Variants in CPM observed in about 807,000 individuals in gnomAD.
CPM encodes renal carboxypeptidase.
In CPM, 35 loss-of-function variants were observed where a neutral mutation model predicts 46.4. The ratio of observed to expected loss-of-function variants is 0.75; its 90% CI spans 0.58 to 1.00. CPM has a LOEUF of 1.00. Among genes scored for constraint, CPM ranks in the 50% least tolerant of loss-of-function variants. The pLI, the probability that CPM is intolerant of heterozygous loss-of-function variation, is 0.00. For missense variants in CPM, 422 were observed against 530.4 expected (o/e 0.80, Z 2.01); for synonymous variants, 195 against 195.3 (o/e 1.00, Z 0.01).
chr12:68,904,953 C>T (rs11836152), intron 2 of CPM, among the ~76,000 whole-genome samples: 18,118 of 152,120 alleles, frequency 0.12, 1,187 homozygotes, highest in East Asian at 0.17. Flanking sequence ...TTGTCGCTCA[C>T]GCTGGAGTGC....
chr12:68,904,565 T>C (rs578046138), intron 2 of CPM, among the ~76,000 whole-genome samples: 1 of 152,340 alleles, frequency 6.6e-6, no homozygotes, highest in East Asian at 1.9e-4. Flanking sequence ...CATTGCTCAA[T>C]ACATCAGCAA....
At chr12:68,950,176 A>G (rs1410171843) in intron 1 of CPM, among the ~76,000 whole-genome samples, 5 of 152,184 alleles carry the variant, frequency 3.3e-5, no homozygotes, top group South Asian at 2.1e-4. Flanking sequence ...GAAGGTGAAT[A>G]ACTGCTGTGT....
intron 2 of CPM, among the ~76,000 whole-genome samples, chr12:68,887,405 A>G (rs1752034013): frequency 6.6e-6 from 1 of 152,314 alleles, no homozygotes; most frequent in South Asian, 2.1e-4. Context: ...GGGAGCATGC[A>G]GTTGCCATCA....
chr12:68,877,448 G>A (rs1420256256), intron 3 of CPM, among the ~76,000 whole-genome samples: 1 of 152,130 alleles, frequency 6.6e-6, no homozygotes, highest in East Asian at 1.9e-4. Flanking sequence ...CTTTGTAAGG[G>A]GAGATGTACA....
intron 1 of CPM, among the ~76,000 whole-genome samples, chr12:68,940,263 C>T (rs1309834801): frequency 6.6e-6 from 1 of 151,824 alleles, no homozygotes; most frequent in Non-Finnish European, 1.5e-5. Flanking sequence ...TTGGCGTTAG[C>T]GTGTCACATC....
At position 68,856,565 on chromosome 12, in the gene CPM, A is replaced by C; in HGVS notation, c.1204T>G (p.Ser402Ala). ...CATGAAGGATTTGATACTGGGATAG[A>C]ATCCAATTGCCCTTGGAATGGAAGT... is the stretch of plus-strand genomic sequence containing the variant. The part of the protein sequence containing the change: ...ILLPFQGQLD[S>A]IPVSNPSCPM... Residue 402 changes from serine to alanine, a missense_variant, in exon 9 of 9, where the codon TCT becomes GCT. Transcript: ENST00000551568. 1 of 1,614,250 alleles carries C rather than the reference A, an allele frequency of 6.2e-7. No individual in the cohort carries two copies. The highest frequency in any genetic ancestry group is 2.2e-5 in the East Asian group (1 of 44,892).
intron 3 of CPM, among the ~76,000 whole-genome samples, chr12:68,883,041 G>A (rs973564642): frequency 6.6e-6 from 1 of 152,144 alleles, no homozygotes; most frequent in Non-Finnish European, 1.5e-5. Flanking sequence ...CACGCACAGT[G>A]GGGGTGGGGT....
intron 1 of CPM, among the ~76,000 whole-genome samples, chr12:68,958,572 C>T (rs936935061): frequency 1.3e-5 from 2 of 152,128 alleles, no homozygotes; most frequent in Admixed American, 6.5e-5. Context: ...ACCAAGATAC[C>T]TCCTAATGCT....
In CPM at chr12:68,869,406, T is replaced by C. The variant is rs1885592556; in HGVS notation, c.706A>G (p.Met236Val). 1.2e-6 allele frequency: 2 copies of C among 1,614,138 alleles called. No homozygotes were observed. The highest frequency in any genetic ancestry group is 1.7e-6 in the Non-Finnish European group (2 of 1,179,992). ...TTTTTACACTCGTCTCCTTTCTTCA[T>C]GTTGGGATTTCTTGAAGCATAGGTA... ...AHTYASRNPN[M>V]KKGDECKNKM... Residue 236 changes from methionine (M) to valine (V), a missense_variant, in exon 6 of 9, where the codon ATG becomes GTG. By Grantham distance (21) the Met-to-Val change is conservative. Transcript: ENST00000551568.
intron 1 of CPM, 51 bp from the exon 2 acceptor site, chr12:68,932,891 G>A: frequency 6.4e-7 from 1 of 1,558,316 alleles, no homozygotes; most frequent in Non-Finnish European, 8.8e-7. Flanking sequence ...AGGGCAGGCG[G>A]GGGCATCACC....
intron 1 of CPM, among the ~76,000 whole-genome samples, chr12:68,952,700 T>C (rs781248782): frequency 2.0e-5 from 3 of 152,192 alleles, no homozygotes; most frequent in Non-Finnish European, 4.4e-5. Flanking sequence ...ATGTCTTATT[T>C]ATAATCTTTT....
At position 68,929,116 on chromosome 12, in the gene CPM, C is replaced by G. The variant is rs147938707; in HGVS notation, c.160+3562G>C. ...CATTGCTATCTATTGATAGTCAACC[C>G]TCAACACAAGGGTTCATTTTTTAAA... On this transcript the variant is annotated intron_variant, in intron 2 of 8. Coordinates refer to ENST00000551568, the MANE Select transcript of CPM (RefSeq NM_198320.5). Among the ~76,000 whole-genome samples, 716 of 152,050 alleles carry G rather than the reference C, an allele frequency of 4.7e-3. 11 individuals are homozygous for G. The highest frequency in any genetic ancestry group is 0.017 in the African/African-American group (686 of 41,472).
chr12:68,921,817 T>C (rs1888053240), intron 2 of CPM, among the ~76,000 whole-genome samples: 1 of 152,152 alleles, frequency 6.6e-6, no homozygotes, highest in Admixed American at 6.5e-5. Flanking sequence ...TAGGTAACTA[T>C]ATAAAAGTGT....
intron 1 of CPM, among the ~76,000 whole-genome samples, chr12:68,947,808 C>CT (rs1436734655): frequency 3.5e-4 from 53 of 151,696 alleles, no homozygotes; most frequent in Non-Finnish European, 4.7e-4. Flanking sequence ...CCATGGCCAG[C>CT]TTTTTTAAAA....
At chr12:68,878,725 G>A (rs571229009) in intron 3 of CPM, among the ~76,000 whole-genome samples, 2 of 152,102 alleles carry the variant, frequency 1.3e-5, no homozygotes, top group African/African-American at 2.4e-5. Flanking sequence ...TTTCTCTATC[G>A]CAATTCCCCT....
In CPM at chr12:68,870,272, C is replaced by T; in HGVS notation, c.559G>A (p.Ala187Thr). ...ACGAGGGCACCACCATGGAGGTTTG[C>T]AGAGAGGACAAACGTCTCTGTTTTC... Reference protein sequence around the residue: ...WLKTETFVLSANLHGGALVAS... With the variant: ...WLKTETFVLSTNLHGGALVAS... Residue 187 changes from alanine to threonine, a missense_variant, in exon 5 of 9, where the codon GCA becomes ACA. Physicochemically the swap from Ala to Thr is moderately conservative, Grantham distance 58 (BLOSUM62 0). Transcript: ENST00000551568. The T allele has an allele frequency of 6.2e-7, 1 of 1,614,192 alleles. No homozygotes were observed. The highest frequency in any genetic ancestry group is 8.5e-7 in the Non-Finnish European group (1 of 1,180,020).
chr12:68,865,898 C>A (rs1393245889), intron 7 of CPM, among the ~76,000 whole-genome samples: 1 of 152,136 alleles, frequency 6.6e-6, no homozygotes, highest in Admixed American at 6.5e-5. Context: ...ATCAGCATCA[C>A]GTGGTAAGGT....
At chr12:68,883,919 AC>A (rs1268488028) in intron 3 of CPM, among the ~76,000 whole-genome samples, 1 of 136,858 alleles carries the variant, frequency 7.3e-6, no homozygotes, top group African/African-American at 2.7e-5. Flanking sequence ...AAATGGTGAA[AC>A]CCCCATCTCT....
At chr12:68,902,825 TTCTATTACTACC>T (rs897317774) in intron 2 of CPM, among the ~76,000 whole-genome samples, 7 of 152,216 alleles carry the variant, frequency 4.6e-5, no homozygotes, top group African/African-American at 1.7e-4. Context: ...ACAGACCTTC[TTCTATTACTACC>T]TCAGAGGCAA....
Sources: gnomAD v4.1 joint callset for allele counts (sites outside exome capture counted in the v4.1 genomes callset) on GRCh38, gnomAD v4.1.1 for gene constraint, MANE v1.5 for transcripts, NCBI Gene and HGNC (gene_info 2026-07-23, HGNC 2026-07-21) for gene names.